PDE1C: variants seen among roughly 807,000 people sequenced by gnomAD.
PDE1C encodes the protein phosphodiesterase 1C.
In PDE1C, 62 loss-of-function variants were observed where a neutral mutation model predicts 93.1. That is an observed-to-expected ratio of 0.67 (90% confidence interval 0.54 to 0.82). The LOEUF is 0.82. Among genes scored for constraint, PDE1C ranks in the 40% least tolerant of loss-of-function variants. PDE1C has a pLI of 0.00. For synonymous variants in PDE1C, 325 were observed against 310.1 expected, an observed-to-expected ratio of 1.05 and a Z score of -0.50; for missense variants, 742 against 884.6, an observed-to-expected ratio of 0.84 and a Z score of 2.04.
At chr7:31,889,080 T>C (rs1798310112) in intron 2 of PDE1C, among the ~76,000 whole-genome samples, 3 of 152,206 alleles carry the variant, frequency 2.0e-5, no homozygotes, top group Admixed American at 6.5e-5. Flanking sequence ...ATATGAATTC[T>C]CCCTAAATTC....
chr7:31,951,865 C>T (rs187481248), intron 2 of PDE1C, among the ~76,000 whole-genome samples: 1 of 152,144 alleles, frequency 6.6e-6, no homozygotes, highest in Non-Finnish European at 1.5e-5. Flanking sequence ...TGGATTTCAA[C>T]TCTTACACCC....
intron 7 of PDE1C, among the ~76,000 whole-genome samples, chr7:31,852,257 A>T (rs1793437013): frequency 6.6e-6 from 1 of 152,252 alleles, no homozygotes; most frequent in Non-Finnish European, 1.5e-5. Flanking sequence ...TGAAAAAATA[A>T]ACCACTATAC....
chr7:32,421,066 C>T (rs951251439), intron 1 of PDE1C, among the ~76,000 whole-genome samples: 2 of 141,782 alleles, frequency 1.4e-5, no homozygotes, highest in Non-Finnish European at 3.1e-5. Flanking sequence ...GTTTTCACCC[C>T]TAGAAGGCGG....
chr7:32,055,909 G>A (rs1318379272), intron 1 of PDE1C, among the ~76,000 whole-genome samples: 1 of 152,072 alleles, frequency 6.6e-6, no homozygotes, highest in Admixed American at 6.6e-5. Flanking sequence ...TAGTAGAGAT[G>A]GGGTTTCACC....
At chr7:32,080,776 G>C (rs1034672643) in intron 3 of PDE1C, among the ~76,000 whole-genome samples, 10 of 152,234 alleles carry the variant, frequency 6.6e-5, no homozygotes, top group Admixed American at 6.5e-4. Flanking sequence ...ATACTCAGGA[G>C]AATAAAAGAA....
chr7:32,060,901 C>T (rs970629238), intron 1 of PDE1C, among the ~76,000 whole-genome samples: 2 of 152,070 alleles, frequency 1.3e-5, no homozygotes, highest in East Asian at 3.9e-4. Context: ...CCAGTGACAC[C>T]CACATGGAAT....
intron 3 of PDE1C, among the ~76,000 whole-genome samples, chr7:32,081,177 T>C (rs1382691811): frequency 7.2e-5 from 11 of 152,142 alleles, no homozygotes; most frequent in Admixed American, 1.3e-4. Flanking sequence ...GAAATGAAAA[T>C]TGTTCTCCTC....
At chr7:31,663,414 C>T in the PDE1C span, among the ~76,000 whole-genome samples, 1 of 152,214 alleles carries the variant, frequency 6.6e-6, no homozygotes, top group Non-Finnish European at 1.5e-5. Flanking sequence ...GCTCCTTTCC[C>T]AGTCCTCTGG....
At chr7:31,892,266 C>T (rs146158860) in intron 2 of PDE1C, among the ~76,000 whole-genome samples, 16 of 152,240 alleles carry the variant, frequency 1.1e-4, no homozygotes, top group Non-Finnish European at 1.8e-4. Context: ...GGAGAGCATC[C>T]AGTGAGGGCT....
In PDE1C at chr7:31,880,767, A is replaced by C. The variant is rs762786206; in HGVS notation, c.222T>G (p.Ser74=). 6.3e-7 allele frequency: 1 copy of C among 1,596,150 alleles called. No homozygotes were observed. The highest frequency in any genetic ancestry group is 8.6e-7 in the Non-Finnish European group (1 of 1,163,868). Residue 74 remains serine, a synonymous_variant, in exon 3 of 18, where the codon TCT becomes TCG. Coordinates refer to ENST00000396191, the MANE Select transcript of PDE1C (RefSeq NM_001191057.4). ...CTTACCTTGTTTCATCAATATACAC[A>C]GATTCAAGCACTGTGGCTGCATATT... ...NLEYAATVLE[S]VYIDETRRLL... is the part of the protein sequence containing the mutation.
chr7:31,697,936 A>T, the PDE1C span, among the ~76,000 whole-genome samples: 1 of 152,226 alleles, frequency 6.6e-6, no homozygotes, highest in Non-Finnish European at 1.5e-5. Context: ...TACAATTGAT[A>T]GATAGATGGC....
intron 2 of PDE1C, among the ~76,000 whole-genome samples, chr7:31,980,291 G>A (rs1285746000): frequency 1.3e-5 from 2 of 152,188 alleles, no homozygotes; most frequent in Admixed American, 1.3e-4. Flanking sequence ...ATTATTTTTA[G>A]AATAATATTT....
At chr7:31,806,254 A>G (rs528068427) in intron 16 of PDE1C, among the ~76,000 whole-genome samples, 1 of 151,964 alleles carries the variant, frequency 6.6e-6, no homozygotes, top group Non-Finnish European at 1.5e-5. Flanking sequence ...AATGTGATCA[A>G]GTAAAGTTAA....
chr7:32,268,527 G>A (rs547222076), intron 1 of PDE1C, among the ~76,000 whole-genome samples: 4 of 152,128 alleles, frequency 2.6e-5, no homozygotes, highest in Non-Finnish European at 4.4e-5. Context: ...GAGATTTAAG[G>A]CTGCTGATGC....
chr7:32,422,605 G>C (rs1239083734), intron 1 of PDE1C, among the ~76,000 whole-genome samples: 1 of 151,438 alleles, frequency 6.6e-6, no homozygotes, highest in Non-Finnish European at 1.5e-5. Flanking sequence ...TTCTATTTCT[G>C]CATTAATTCA....
At chr7:32,298,017 CCTCTCT>C (rs1224370517) in intron 1 of PDE1C, among the ~76,000 whole-genome samples, 1 of 5,840 alleles carries the variant, frequency 1.7e-4, no homozygotes, top group African/African-American at 8.9e-4. Flanking sequence ...TCTCTCTCTC[CCTCTCT>C]CTCTCTCTCT....
the PDE1C span, chr7:31,697,032 C>G: frequency 1.2e-6 from 2 of 1,613,954 alleles, no homozygotes; most frequent in African/African-American, 1.3e-5. Flanking sequence ...GCAAAATGAT[C>G]CCTGTTCTTC....
intron 2 of PDE1C, among the ~76,000 whole-genome samples, chr7:31,989,737 C>T (rs575519934): frequency 8.4e-4 from 128 of 152,308 alleles, no homozygotes; most frequent in Middle Eastern, 3.4e-3. Flanking sequence ...TCCCTGGCTA[C>T]GATAACTGCG....
the PDE1C span, among the ~76,000 whole-genome samples, chr7:31,721,686 T>C: frequency 6.6e-6 from 1 of 152,172 alleles, no homozygotes; most frequent in African/African-American, 2.4e-5. Flanking sequence ...TGGAATTTGA[T>C]AGGAGTAATA....
Sources: allele counts gnomAD v4.1 joint callset (sites outside exome capture counted in the v4.1 genomes callset), GRCh38; gene constraint gnomAD v4.1.1; transcripts MANE v1.5; gene names NCBI Gene and HGNC (gene_info 2026-07-23, HGNC 2026-07-21).